MED14: variants seen among roughly 807,000 people sequenced by gnomAD.
MED14 encodes the protein mediator complex subunit 14, also known as mediator of RNA polymerase II transcription subunit 14.
In MED14, 8 loss-of-function variants were observed where a neutral mutation model predicts 109.0. The ratio of observed to expected loss-of-function variants is 0.07; its 90% CI spans 0.04 to 0.13. The LOEUF (loss-of-function observed/expected upper bound fraction) is 0.13, where lower values mean the gene tolerates loss of function less well. Among genes scored for constraint, MED14 ranks in the 10% least tolerant of loss-of-function variants. The probability of loss-of-function intolerance (pLI) is 1.00; values close to 1 mark genes in which losing one functional copy is unlikely to be tolerated. For missense variants in MED14, 711 were observed against 1,142.4 expected, an observed-to-expected ratio of 0.62 and a Z score of 5.44; for synonymous variants, 399 against 408.7, an observed-to-expected ratio of 0.98 and a Z score of 0.29.
intron 3 of MED14, among the ~76,000 whole-genome samples, chrX:40,716,851 G>A (rs980098741): frequency 5.4e-5 from 6 of 111,433 alleles, no homozygotes; most frequent in Admixed American, 1.9e-4. Flanking sequence ...AAAGCCTGCC[G>A]TTTGCAACAG....
At chrX:40,734,428 T>C (rs1005792402) in intron 1 of MED14, among the ~76,000 whole-genome samples, 1 of 112,450 alleles carries the variant, frequency 8.9e-6, no homozygotes, top group Non-Finnish European at 1.9e-5. Context: ...TGTATCTCAA[T>C]TGATAACCCT....
At chrX:40,702,349 T>G (rs1301515642) in intron 11 of MED14, among the ~76,000 whole-genome samples, 2 of 100,845 alleles carry the variant, frequency 2.0e-5, no homozygotes, top group South Asian at 4.5e-4. Flanking sequence ...AAGTTTTGTT[T>G]TTTTTTTTTT....
Position 40,659,574 on chromosome X carries a change from T to C in MED14, c.3718A>G (p.Ile1240Val). Residue 1240 changes from isoleucine to valine, a missense_variant, in exon 27 of 31, where the codon ATC becomes GTC. Ile to Val is a conservative substitution (Grantham distance 29). Transcript: ENST00000324817. The part of the protein sequence containing the change: ...QLINSNEPGV[I>V]MFKTDALKCR... ...TTCAGTGCATCAGTCTTAAACATGA[T>C]CACTCCGGGTTCATTAGAATTTATC... is the stretch of plus-strand genomic sequence containing the variant. 8.3e-7 allele frequency: 1 copy of C among 1,208,427 alleles called. No homozygotes were observed. Among genetic ancestry groups the C allele is most frequent in the Non-Finnish European group, 1.1e-6 (1 of 894,272 alleles).
intron 12 of MED14, among the ~76,000 whole-genome samples, chrX:40,698,752 A>C (rs1174113395): frequency 8.9e-6 from 1 of 112,437 alleles, no homozygotes; most frequent in East Asian, 2.8e-4. Flanking sequence ...GTCTATATTC[A>C]AAGACAGTAA....
chrX:40,667,764 A>C (rs1929553276), intron 23 of MED14, among the ~76,000 whole-genome samples: 1 of 112,306 alleles, frequency 8.9e-6, no homozygotes, highest in Non-Finnish European at 1.9e-5. Context: ...AACTGCAATA[A>C]TTCAGGTGAG....
Position 40,648,571 on chromosome X carries a change from A to G in MED14, c.*3235T>C, listed in dbSNP as rs1206308120. The G allele has an allele frequency of 1.8e-5, 2 of 112,315 alleles. No individual in the cohort carries two copies. The highest frequency in any genetic ancestry group is 3.8e-5 in the Non-Finnish European group (2 of 53,231). The allele number at this position is 112,315 out of a possible 1,213,427, so 9.3% of individuals were successfully genotyped here. ...CATTTTTAAGAAGAGGATATCAATA[A>G]CCTACCACATTGGGTTGTTGTGAGG... On this transcript the variant is annotated 3_prime_UTR_variant, in exon 31 of 31. Transcript: ENST00000324817.
At chrX:40,701,527 A>G (rs1200932559) in intron 11 of MED14, among the ~76,000 whole-genome samples, 1 of 112,002 alleles carries the variant, frequency 8.9e-6, no homozygotes, top group Non-Finnish European at 1.9e-5. Flanking sequence ...TTCTTTGCCT[A>G]TATTTTAATT....
intron 21 of MED14, among the ~76,000 whole-genome samples, chrX:40,676,208 C>A (rs923344374): frequency 5.4e-5 from 6 of 111,573 alleles, no homozygotes; most frequent in African/African-American, 2.0e-4. Context: ...TGCTTGAGCC[C>A]GGGAAGTTGA....
intron 30 of MED14, 93 bp downstream of exon 30, chrX:40,654,271 G>A: frequency 3.1e-5 from 25 of 801,459 alleles, no homozygotes; most frequent in Non-Finnish European, 4.5e-5. Flanking sequence ...GGTAGAGTAG[G>A]TAAGGAGGGA....
Position 40,714,616 on chromosome X carries a change from C to T in MED14, c.443G>A (p.Arg148His). The part of the protein sequence containing the change: ...SLARDALVHA[R>H]LPSFAIPYAI... ...ATATGGGATGGCAAAACTAGGCAGG[C>T]GTGCATGGACCAGAGCATCTCTAGC... Residue 148 changes from arginine (R) to histidine (H), a missense_variant, in exon 4 of 31, where the codon CGC (arginine) becomes CAC (histidine). This residue lies in a region of MED14 where 31 missense variants were observed against 79.3 expected (regional missense o/e 0.39). Transcript: ENST00000324817. 1.7e-6 allele frequency: 2 copies of T among 1,211,230 alleles called. No individual in the cohort carries two copies. The highest frequency in any genetic ancestry group is 1.7e-5 in the African/African-American group (1 of 57,684).
chrX:40,715,667 T>C (rs1296289935), intron 3 of MED14, among the ~76,000 whole-genome samples: 1 of 107,995 alleles, frequency 9.3e-6, no homozygotes, highest in Non-Finnish European at 1.9e-5. Context: ...GAGCCTGTAG[T>C]CCCAGCTACT....
intron 19 of MED14, among the ~76,000 whole-genome samples, chrX:40,681,132 CAGAA>C (rs1930096536): frequency 8.9e-6 from 1 of 112,248 alleles, no homozygotes; most frequent in African/African-American, 3.2e-5. Context: ...CTAAATAAAA[CAGAA>C]AGGCGCTAAA....
intron 9 of MED14, 139 bp from the exon 10 acceptor site, chrX:40,709,598 CTTAAAG>C (rs1931264638): frequency 6.5e-6 from 2 of 309,966 alleles, no homozygotes; most frequent in Non-Finnish European, 5.6e-6. Flanking sequence ...AGAAAGCAAA[CTTAAAG>C]TTAAAAATTA....
At chrX:40,672,111 T>C (rs892063718) in intron 22 of MED14, 139 bp from the exon 23 acceptor site, 18 of 360,982 alleles carry the variant, frequency 5.0e-5, no homozygotes, top group African/African-American at 3.9e-4. Context: ...GATATAAAAG[T>C]GTGCAAAATA....
In MED14 at chrX:40,703,544, A is replaced by G. The variant is rs976772808; in HGVS notation, c.1311T>C (p.Ala437=). The part of the protein sequence containing the change: ...ENSSIETALP[A]LVVPILEPCG... ...AGGGCTCCAAGATGGGAACAACAAG[A>G]GCTGGGAGTGCAGTCTCTATGGAAG... The change falls in exon 11 of 31, where the codon GCT becomes GCC. Residue 437 remains alanine (A), a synonymous_variant. Transcript: ENST00000324817. The G allele has an allele frequency of 2.5e-6, 3 of 1,189,262 alleles. No individual in the cohort carries two copies. The highest frequency in any genetic ancestry group is 3.5e-5 in the African/African-American group (2 of 56,746).
At position 40,666,753 on chromosome X, in the gene MED14, T is replaced by C. The variant is rs755442697; in HGVS notation, c.3232A>G (p.Ile1078Val). 3.3e-5 allele frequency: 40 copies of C among 1,206,349 alleles called. No individual in the cohort carries two copies. Among genetic ancestry groups the C allele is most frequent in the Non-Finnish European group, 4.0e-5 (36 of 893,084 alleles). Residue 1078 changes from isoleucine to valine, a missense_variant, in exon 24 of 31, where the codon ATA (isoleucine) becomes GTA (valine). Ile to Val is a conservative substitution (Grantham distance 29). Transcript: ENST00000324817. ...CTAGCAAAACTGGCCCCTGGTCCTATTGAGATTCCATGCGAGGATGGGGGA... is the reference window on the plus strand; with the variant it reads ...CTAGCAAAACTGGCCCCTGGTCCTACTGAGATTCCATGCGAGGATGGGGGA... ...TPPPSSHGISIGPGASFASPH... is the reference protein window; with the variant it reads ...TPPPSSHGISVGPGASFASPH...
chrX:40,695,425 G>A (rs1052872461), intron 13 of MED14, among the ~76,000 whole-genome samples: 6 of 112,114 alleles, frequency 5.4e-5, no homozygotes, highest in Non-Finnish European at 1.1e-4. Context: ...CCACTTCCAT[G>A]AACATATTAC....
At position 40,709,370 on chromosome X, in the gene MED14, T is replaced by C. The variant is rs1411858691; in HGVS notation, c.1263A>G (p.Arg421=). 5 of 1,114,128 alleles carry C rather than the reference T, an allele frequency of 4.5e-6. No homozygotes were observed. Among genetic ancestry groups the C allele is most frequent in the African/African-American group, 1.8e-5 (1 of 54,907 alleles). The allele number at this position is 1,114,128 out of a possible 1,213,427, so 91.8% of individuals were successfully genotyped here. The change falls in exon 10 of 31, where the codon AGA becomes AGG. Residue 421 remains arginine, a synonymous_variant. Transcript: ENST00000324817. The stretch of plus-strand genomic sequence containing the variant: ...TACAGTTTTCATTGGCATTGAAGCC[T>C]CTAAGAATGGCCTTCAGTTCTTGGA... ...QKLQELKAIL[R]GFNANENSSI... is the part of the protein sequence containing the mutation.
At position 40,651,143 on chromosome X, in the gene MED14, ATGTTTTTG is replaced by A. The variant is rs1928850163; in HGVS notation, c.*655_*662del. 1 of 749,362 alleles carries A rather than the reference ATGTTTTTG, an allele frequency of 1.3e-6. No homozygotes were observed. The highest frequency in any genetic ancestry group is 1.5e-4 in the East Asian group (1 of 6,615). The allele number at this position is 749,362 out of a possible 1,213,427, so 61.8% of individuals were successfully genotyped here. A position where few individuals can be genotyped will look rare whatever the true frequency, so the allele number is the denominator to read the frequency against. Reference sequence around the variant, plus strand: ...ATATATTAACCTTGACATAAAGAAGATGTTTTTGGTCAAATTTCAGACATGTATTATTA... The same window carrying A: ...ATATATTAACCTTGACATAAAGAAGAGTCAAATTTCAGACATGTATTATTA... On this transcript the variant is annotated 3_prime_UTR_variant, in exon 31 of 31. Transcript: ENST00000324817.
Sources: allele counts gnomAD v4.1 joint callset (sites outside exome capture counted in the v4.1 genomes callset), GRCh38; gene constraint gnomAD v4.1.1; regional missense constraint gnomAD v4.1.1; transcripts MANE v1.5; gene names NCBI Gene and HGNC (gene_info 2026-07-23, HGNC 2026-07-21).